The following SNX13 variants were observed in gnomAD, a reference collection of about 807,000 sequenced individuals.
The protein encoded by SNX13 is sorting nexin-13.
A neutral mutation model predicts 133.6 loss-of-function variants in SNX13; 45 were observed. That is an observed-to-expected ratio of 0.34 (90% CI 0.27 to 0.43). SNX13 has a LOEUF of 0.43. Among genes scored for constraint, SNX13 ranks in the 20% least tolerant of loss-of-function variants. The pLI is 1.00. For synonymous variants in SNX13, 414 were observed against 373.9 expected (o/e 1.11, Z -1.24); for missense variants, 1,032 against 1,145.1 (o/e 0.90, Z 1.43).
intron 5 of SNX13, among the ~76,000 whole-genome samples, chr7:17,883,815 C>T (rs1373926136): frequency 9.9e-5 from 15 of 152,028 alleles, no homozygotes; most frequent in African/African-American, 3.4e-4. Flanking sequence ...TGAGAACATA[C>T]GGTGTTTGGT....
At chr7:17,937,714 G>A (rs1802275576) in intron 1 of SNX13, among the ~76,000 whole-genome samples, 1 of 151,978 alleles carries the variant, frequency 6.6e-6, no homozygotes, top group Non-Finnish European at 1.5e-5. Context: ...GTCATAAAAA[G>A]CACACAATGT....
At chr7:17,930,143 A>C (rs200051794) in intron 1 of SNX13, among the ~76,000 whole-genome samples, 83,966 of 151,120 alleles carry the variant, frequency 0.56, 23,794 homozygotes, top group Non-Finnish European at 0.6. Context: ...AATAAGAATA[A>C]AGATTTATTG....
intron 4 of SNX13, 38 bp downstream of exon 4, chr7:17,891,508 C>T: frequency 6.8e-7 from 1 of 1,463,452 alleles, no homozygotes; most frequent in Non-Finnish European, 9.5e-7. Context: ...ACCTAGAACA[C>T]AATATATAGA....
At chr7:17,830,897 A>C (rs1788412377) in intron 15 of SNX13, 1 of 984,288 alleles carries the variant, frequency 1.0e-6, no homozygotes, top group Non-Finnish European at 1.2e-6. Flanking sequence ...TACTATTCCT[A>C]CAAGGAGGCA....
At chr7:17,805,914 G>GT (rs1228466273) in intron 20 of SNX13, among the ~76,000 whole-genome samples, 1 of 152,124 alleles carries the variant, frequency 6.6e-6, no homozygotes, top group Non-Finnish European at 1.5e-5. Flanking sequence ...GTGACTGTTG[G>GT]TTAACCATGA....
At chr7:17,849,754 T>C (rs575684646) in intron 11 of SNX13, among the ~76,000 whole-genome samples, 1 of 152,276 alleles carries the variant, frequency 6.6e-6, no homozygotes, top group South Asian at 2.1e-4. Context: ...CATGACTGCC[T>C]CTAAGATAGA....
intron 1 of SNX13, among the ~76,000 whole-genome samples, chr7:17,936,630 T>C (rs780596405): frequency 3.3e-5 from 5 of 152,142 alleles, no homozygotes; most frequent in Non-Finnish European, 7.4e-5. Context: ...TTTTCTGTAA[T>C]AATAAATGCT....
At position 17,791,893 on chromosome 7, in the gene SNX13, C is replaced by T. The variant is rs1209700518; in HGVS notation, c.*2152G>A. 6.6e-6 allele frequency: 1 copy of T among 152,046 alleles called. No homozygotes were observed. The highest frequency in any genetic ancestry group is 1.9e-4 in the East Asian group (1 of 5,200). 9.4% of individuals were successfully genotyped at this position (152,046 alleles called of 1,614,324 possible). ...ACCATTTACAAAGACTATCATTTGA[C>T]ATTTTCTGCTTCTGAAATATAAACT... On this transcript the variant is annotated 3_prime_UTR_variant, in exon 26 of 26. Transcript: ENST00000428135.
chr7:17,799,149 A>G lies in SNX13; in HGVS notation c.2304T>C (p.Asp768=), dbSNP rs1402532883. The G allele has an allele frequency of 6.2e-7, 1 of 1,600,168 alleles. No individual in the cohort carries two copies. Among genetic ancestry groups the G allele is most frequent in the East Asian group, 2.2e-5 (1 of 44,494 alleles). The change falls in exon 23 of 26, where the codon GAT becomes GAC. Residue 768 remains aspartate, a synonymous_variant. Coordinates refer to ENST00000428135, the MANE Select transcript of SNX13 (RefSeq NM_015132.5). ...RVSAQLDDNV[D]DNIPLRVMLL... ...GCATTACCCTAAGTGGAATATTGTC[A>G]TCCACCTGACAAAATATAAGAAATA...
intron 9 of SNX13, 50 bp downstream of exon 9, chr7:17,868,357 A>G (rs1375944469): frequency 1.5e-6 from 2 of 1,371,452 alleles, no homozygotes; most frequent in Non-Finnish European, 2.0e-6. Context: ...ATATTTTTAC[A>G]TTTCAAAAAT....
At chr7:17,859,240 T>C (rs1035108531) in intron 9 of SNX13, among the ~76,000 whole-genome samples, 12 of 152,040 alleles carry the variant, frequency 7.9e-5, no homozygotes, top group Admixed American at 4.6e-4. Context: ...ATTCTTACAT[T>C]ATCAATTTAA....
chr7:17,837,869 A>T (rs1007851834), intron 13 of SNX13, among the ~76,000 whole-genome samples: 1 of 151,668 alleles, frequency 6.6e-6, no homozygotes. Context: ...GTCTTATTTT[A>T]AAAATAGGAG....
At chr7:17,811,548 A>G (rs1786024759) in intron 20 of SNX13, among the ~76,000 whole-genome samples, 1 of 152,220 alleles carries the variant, frequency 6.6e-6, no homozygotes, top group Non-Finnish European at 1.5e-5. Context: ...GGAAGAATCA[A>G]TGTCGTGAAA....
At chr7:17,831,655 G>C (rs1788503539) in intron 15 of SNX13, 2 of 984,014 alleles carry the variant, frequency 2.0e-6, no homozygotes, top group African/African-American at 1.8e-5. Context: ...AAAAAAATCA[G>C]CTGTACATTA....
chr7:17,902,018 G>T, intron 1 of SNX13, among the ~76,000 whole-genome samples: 1 of 152,140 alleles, frequency 6.6e-6, no homozygotes, highest in East Asian at 1.9e-4. Flanking sequence ...AAAATGAGTT[G>T]ATATGGAGAA....
chr7:17,868,620 AAC>A, intron 8 of SNX13, 130 bp from the exon 9 acceptor site: 1 of 633,198 alleles, frequency 1.6e-6, no homozygotes, highest in Non-Finnish European at 2.7e-6. Flanking sequence ...CTTGATAAGC[AAC>A]ACAGTCTTAT....
chr7:17,875,387 T>A (rs1305743420), intron 7 of SNX13, 93 bp downstream of exon 7: 1 of 937,750 alleles, frequency 1.1e-6, no homozygotes, highest in Non-Finnish European at 1.6e-6. Flanking sequence ...CTGCCCTAAG[T>A]AAGAATAATT....
At chr7:17,827,140 T>C (rs1787999080) in intron 16 of SNX13, among the ~76,000 whole-genome samples, 1 of 152,048 alleles carries the variant, frequency 6.6e-6, no homozygotes, top group African/African-American at 2.4e-5. Context: ...GTGGCAACAT[T>C]TCACATGTGT....
chr7:17,824,578 G>A (rs1471958127), intron 17 of SNX13, among the ~76,000 whole-genome samples: 1 of 151,602 alleles, frequency 6.6e-6, no homozygotes, highest in Non-Finnish European at 1.5e-5. Context: ...TGAGGTACAA[G>A]GAAGTTAAGG....
Sources: gnomAD v4.1 joint callset for allele counts (sites outside exome capture counted in the v4.1 genomes callset) on GRCh38, gnomAD v4.1.1 for gene constraint, MANE v1.5 for transcripts, NCBI Gene and HGNC (gene_info 2026-07-23, HGNC 2026-07-21) for gene names.